NRXN1: variants seen among roughly 807,000 people sequenced by gnomAD.
NRXN1 encodes the protein neurexin-1.
In NRXN1, 39 loss-of-function variants were observed where a neutral mutation model predicts 150.9. That is an observed-to-expected ratio of 0.26 (90% CI 0.20 to 0.34). The LOEUF is 0.34. Among genes scored for constraint, NRXN1 ranks in the 10% least tolerant of loss-of-function variants. The pLI, the probability that NRXN1 is intolerant of heterozygous loss-of-function variation, is 1.00. For synonymous variants in NRXN1, 924 were observed against 757.0 expected (o/e 1.22, Z -3.62); for missense variants, 1,815 against 1,949.9 (o/e 0.93, Z 1.30).
intron 17 of NRXN1, among the ~76,000 whole-genome samples, chr2:50,360,725 A>T (rs917814319): frequency 1.3e-5 from 2 of 152,156 alleles, no homozygotes; most frequent in Non-Finnish European, 2.9e-5. Context: ...ATTAACAAGG[A>T]TATTCAGGAC....
intron 9 of NRXN1, among the ~76,000 whole-genome samples, chr2:50,552,343 T>TA (rs1291132021): frequency 2.6e-5 from 4 of 152,328 alleles, no homozygotes; most frequent in African/African-American, 9.6e-5. Context: ...GATTACCCAA[T>TA]AAAAGTTCAT....
chr2:50,507,883 G>C (rs2092305660), intron 12 of NRXN1, among the ~76,000 whole-genome samples: 1 of 151,730 alleles, frequency 6.6e-6, no homozygotes, highest in African/African-American at 2.4e-5. Flanking sequence ...TTGAGAATCA[G>C]GATTGGAGTT....
intron 18 of NRXN1, chr2:50,174,769 GT>G (rs1211226907): frequency 7.9e-5 from 12 of 152,168 alleles, no homozygotes; most frequent in African/African-American, 2.9e-4. Context: ...AAAATTTGCT[GT>G]TGTAATTATG....
chr2:50,367,919 C>T (rs1028037881), intron 17 of NRXN1, among the ~76,000 whole-genome samples: 16 of 152,028 alleles, frequency 1.1e-4, no homozygotes, highest in African/African-American at 3.9e-4. Flanking sequence ...TTGATGTACA[C>T]ATACAATTAC....
intron 19 of NRXN1, 138 bp from the exon 20 acceptor site, chr2:50,055,182 T>C: frequency 1.8e-6 from 1 of 562,038 alleles, no homozygotes; most frequent in Non-Finnish European, 3.1e-6. Context: ...ACCTAGAACA[T>C]TTCATGTTTC....
chr2:50,167,787 T>A (rs1014777641), intron 18 of NRXN1, among the ~76,000 whole-genome samples: 11 of 152,168 alleles, frequency 7.2e-5, no homozygotes, highest in African/African-American at 2.7e-4. Flanking sequence ...GGTCTGGAGT[T>A]CAGTTTGTTT....
intron 8 of NRXN1, among the ~76,000 whole-genome samples, chr2:50,566,151 T>G (rs2105425967): frequency 6.6e-6 from 1 of 152,296 alleles, no homozygotes; most frequent in South Asian, 2.1e-4. Context: ...GGTTGTATGT[T>G]GAACAAGTCC....
chr2:49,953,776 C>G (rs1025328708), intron 21 of NRXN1, among the ~76,000 whole-genome samples: 1 of 151,944 alleles, frequency 6.6e-6, no homozygotes, highest in African/African-American at 2.4e-5. Flanking sequence ...AAAGTGCCCA[C>G]GATGCAGTGT....
intron 5 of NRXN1, among the ~76,000 whole-genome samples, chr2:50,723,176 C>A (rs1203444398): frequency 6.6e-6 from 1 of 152,050 alleles, no homozygotes; most frequent in Non-Finnish European, 1.5e-5. Flanking sequence ...AGCAAGAATC[C>A]TCCAAGATCT....
chr2:50,147,249 A>C lies in NRXN1; in HGVS notation c.3547-55755T>G, dbSNP rs2058396992. 3.3e-5 allele frequency among the ~76,000 whole-genome samples: 5 copies of C among 151,838 alleles called. No homozygotes were observed. In the South Asian group the frequency reaches 1.0e-3, roughly 31 times the overall value. ...CTAGAGTAATGATGTATTTTTTCAA[A>C]TAAGTGCCTTAGAAGATTCCTAGGA... On this transcript the variant is annotated intron_variant, in intron 18 of 22. Transcript: ENST00000401669.
intron 9 of NRXN1, among the ~76,000 whole-genome samples, chr2:50,539,886 G>A (rs1489063087): frequency 6.6e-6 from 1 of 152,184 alleles, no homozygotes; most frequent in Non-Finnish European, 1.5e-5. Flanking sequence ...GGTAGGTCAG[G>A]TGTGTGTAGG....
intron 2 of NRXN1, chr2:50,985,567 C>T (rs1697562444): frequency 6.6e-6 from 1 of 151,388 alleles, no homozygotes; most frequent in African/African-American, 2.4e-5. Context: ...ATCAATGAAA[C>T]CACTCTGAAA....
Position 50,972,438 on chromosome 2 carries a change from C to A in NRXN1, c.773-46483G>T, listed in dbSNP as rs111895887. On this transcript the variant is annotated intron_variant, in intron 2 of 22. Transcript: ENST00000401669. The stretch of plus-strand genomic sequence containing the variant: ...GACACAGTGACTTAGAGCAGCGATC[C>A]CAAACCTTTTTGGCACCAGGAACTG... Among the ~76,000 whole-genome samples the A allele has an allele frequency of 1.8e-3, 267 of 152,176 alleles. 3 individuals are homozygous for A. Among genetic ancestry groups the A allele is most frequent in the African/African-American group, 6.3e-3 (260 of 41,516 alleles).
At chr2:50,137,600 C>G (rs1706613508) in intron 18 of NRXN1, among the ~76,000 whole-genome samples, 1 of 152,090 alleles carries the variant, frequency 6.6e-6, no homozygotes, top group South Asian at 2.1e-4. Context: ...GACAAAACTT[C>G]TAAGTCATTA....
At chr2:50,239,349 A>G in intron 17 of NRXN1, among the ~76,000 whole-genome samples, 1 of 151,580 alleles carries the variant, frequency 6.6e-6, no homozygotes, top group East Asian at 1.9e-4. Flanking sequence ...TATGTGAAAT[A>G]AGAAAAATAT....
chr2:49,927,347 G>A (rs1186370037), intron 22 of NRXN1, among the ~76,000 whole-genome samples: 2 of 152,134 alleles, frequency 1.3e-5, no homozygotes, highest in Admixed American at 6.5e-5. Context: ...CTTTTGTGAT[G>A]CATCTGGTGA....
intron 5 of NRXN1, among the ~76,000 whole-genome samples, chr2:50,808,168 T>A (rs943084434): frequency 5.9e-5 from 9 of 152,210 alleles, no homozygotes; most frequent in Middle Eastern, 6.8e-3. Flanking sequence ...AAGTACAGTG[T>A]TAAAACTATT....
intron 5 of NRXN1, among the ~76,000 whole-genome samples, chr2:50,739,940 A>G (rs1559193497): frequency 6.6e-6 from 1 of 152,192 alleles, no homozygotes; most frequent in Non-Finnish European, 1.5e-5. Context: ...TGTGATTTAA[A>G]AAAATCAACT....
chr2:50,544,230 T>G (rs2093445861), intron 9 of NRXN1, among the ~76,000 whole-genome samples: 1 of 80,578 alleles, frequency 1.2e-5, no homozygotes, highest in Non-Finnish European at 2.5e-5. Context: ...ATGCACAACA[T>G]AAGTAATAAA....
Sources: allele counts gnomAD v4.1 joint callset (sites outside exome capture counted in the v4.1 genomes callset), GRCh38; gene constraint gnomAD v4.1.1; transcripts MANE v1.5; gene names NCBI Gene and HGNC (gene_info 2026-07-23, HGNC 2026-07-21).